The following LYPD6B variants were observed in gnomAD, a reference collection of about 807,000 sequenced individuals.
The protein encoded by LYPD6B is ly6/PLAUR domain-containing protein 6B.
LYPD6B carries 17 observed loss-of-function variants against 22.8 expected under a neutral mutation model. The ratio of observed to expected loss-of-function variants is 0.75; its 90% confidence interval spans 0.51 to 1.12. The LOEUF (loss-of-function observed/expected upper bound fraction) is 1.12, where lower values mean the gene tolerates loss of function less well. LYPD6B is among the 50% of genes most tolerant of loss of function. LYPD6B has a pLI of 0.00. For synonymous variants in LYPD6B, 106 were observed against 91.6 expected, an observed-to-expected ratio of 1.16 and a Z score of -0.90; for missense variants, 221 against 258.3, an observed-to-expected ratio of 0.86 and a Z score of 0.99.
intron 2 of LYPD6B, among the ~76,000 whole-genome samples, chr2:149,159,589 C>CGT (rs60129822): frequency 0.08 from 11,722 of 145,770 alleles, 508 homozygotes; most frequent in Non-Finnish European, 0.098. Flanking sequence ...CATATGTGTG[C>CGT]GTGTGTGTGT....
intron 3 of LYPD6B, among the ~76,000 whole-genome samples, chr2:149,186,081 G>T (rs180809061): frequency 6.6e-6 from 1 of 152,300 alleles, no homozygotes; most frequent in Admixed American, 6.5e-5. Flanking sequence ...CAAGTGAAAG[G>T]AGGAGTCACA....
At chr2:149,157,022 T>C (rs1689748137) in intron 2 of LYPD6B, among the ~76,000 whole-genome samples, 2 of 152,134 alleles carry the variant, frequency 1.3e-5, no homozygotes, top group African/African-American at 4.8e-5. Context: ...AAAGTTTAGC[T>C]CTCAAATTTT....
chr2:149,045,209 G>T (rs1257792534), intron 1 of LYPD6B, among the ~76,000 whole-genome samples: 1 of 152,032 alleles, frequency 6.6e-6, no homozygotes, highest in Non-Finnish European at 1.5e-5. Flanking sequence ...CATTGATACA[G>T]AATTTTTTGT....
chr2:149,185,602 A>G (rs1482786203), intron 3 of LYPD6B, among the ~76,000 whole-genome samples: 1 of 152,206 alleles, frequency 6.6e-6, no homozygotes, highest in East Asian at 1.9e-4. Context: ...GACATGAATG[A>G]CCACACGTAA....
At chr2:149,091,638 G>A (rs1374605965) in intron 1 of LYPD6B, among the ~76,000 whole-genome samples, 1 of 150,404 alleles carries the variant, frequency 6.6e-6, no homozygotes, top group Non-Finnish European at 1.5e-5. Context: ...TTTTTTTTAA[G>A]TAGGTACAAA....
At chr2:149,164,874 G>A (rs1559044865) in intron 3 of LYPD6B, among the ~76,000 whole-genome samples, 2 of 152,180 alleles carry the variant, frequency 1.3e-5, no homozygotes, top group East Asian at 3.9e-4. Context: ...TTGTATCAGT[G>A]AGGGCTCTGC....
intron 1 of LYPD6B, among the ~76,000 whole-genome samples, chr2:149,072,294 A>G (rs1684643180): frequency 6.6e-6 from 1 of 152,080 alleles, no homozygotes; most frequent in South Asian, 2.1e-4. Context: ...AATAAATGCT[A>G]TGAAGGATAA....
At chr2:149,158,103 T>C (rs1423347281) in intron 2 of LYPD6B, among the ~76,000 whole-genome samples, 1 of 152,188 alleles carries the variant, frequency 6.6e-6, no homozygotes, top group African/African-American at 2.4e-5. Flanking sequence ...TAACAGACTT[T>C]TGTTTTCTTG....
chr2:149,095,736 T>G (rs763956809), intron 1 of LYPD6B, among the ~76,000 whole-genome samples: 3 of 145,380 alleles, frequency 2.1e-5, no homozygotes, highest in Non-Finnish European at 3.0e-5. Flanking sequence ...CCAGGGAGGG[T>G]GTTGGAAGGA....
chr2:149,210,757 C>A (rs180929642), intron 5 of LYPD6B, among the ~76,000 whole-genome samples: 56 of 152,334 alleles, frequency 3.7e-4, no homozygotes, highest in Non-Finnish European at 6.6e-4. Context: ...ATGCAGCCAC[C>A]AGTTTTCGAT....
intron 1 of LYPD6B, among the ~76,000 whole-genome samples, chr2:149,065,908 C>T (rs908169402): frequency 2.6e-5 from 4 of 152,008 alleles, no homozygotes; most frequent in Admixed American, 6.5e-5. Flanking sequence ...GACTAGTTTT[C>T]GCCTTGTTAC....
At chr2:149,054,426 C>T (rs542825999) in intron 1 of LYPD6B, among the ~76,000 whole-genome samples, 3 of 152,074 alleles carry the variant, frequency 2.0e-5, no homozygotes, top group Admixed American at 2.0e-4. Context: ...AATACTTTGC[C>T]ATTTTAAGAT....
rs180960374 is a variant in LYPD6B at position 149,160,778 on chromosome 2, G to C, written c.20G>C (p.Ser7Thr). Residue 7 changes from serine (S) to threonine (T), a missense_variant, in exon 3 of 7, where the codon AGT (serine) becomes ACT (threonine). Transcript: ENST00000409642. Reference sequence around the variant, plus strand: ...ATCTCTGGTAGGCTGATTACTCTGAGTGCAAACCTTTTCACTGTTCCAGAG... The same window carrying C: ...ATCTCTGGTAGGCTGATTACTCTGACTGCAAACCTTTTCACTGTTCCAGAG... MLLITL[S>T]ANLFTVPERS... 45 of 1,555,656 alleles carry C rather than the reference G, an allele frequency of 2.9e-5. No homozygotes were observed. The East Asian group carries it at 1.0e-3, about 35-fold the overall frequency.
At chr2:149,159,056 G>GT (rs1221391676) in intron 2 of LYPD6B, among the ~76,000 whole-genome samples, 12 of 151,544 alleles carry the variant, frequency 7.9e-5, no homozygotes, top group South Asian at 2.1e-4. Flanking sequence ...AGATTTTTAT[G>GT]TTTTTTTTTC....
At chr2:149,159,589 C>CGGGTGT in intron 2 of LYPD6B, among the ~76,000 whole-genome samples, 1 of 145,906 alleles carries the variant, frequency 6.9e-6, no homozygotes, top group African/African-American at 2.5e-5. Context: ...CATATGTGTG[C>CGGGTGT]GTGTGTGTGT....
At chr2:149,062,390 A>C (rs1684129805) in intron 1 of LYPD6B, among the ~76,000 whole-genome samples, 1 of 152,228 alleles carries the variant, frequency 6.6e-6, no homozygotes, top group Admixed American at 6.5e-5. Context: ...ATTGATGATG[A>C]TCACGATGAT....
At chr2:149,099,471 C>CCCCTCGTACCTAGGATCCTTGGTT (rs1686086644) in intron 1 of LYPD6B, among the ~76,000 whole-genome samples, 1 of 152,010 alleles carries the variant, frequency 6.6e-6, no homozygotes, top group African/African-American at 2.4e-5. Context: ...GATCCTTGGT[C>CCCCTCGTACCTAGGATCCTTGGTT]CCCTCATGGT....
chr2:149,162,280 T>C (rs747645234), intron 3 of LYPD6B, among the ~76,000 whole-genome samples: 7 of 152,236 alleles, frequency 4.6e-5, no homozygotes, highest in Non-Finnish European at 7.3e-5. Context: ...GCATTTTGCA[T>C]GCATTCTCTC....
intron 2 of LYPD6B, among the ~76,000 whole-genome samples, chr2:149,150,197 C>T (rs1575068638): frequency 1.3e-5 from 2 of 152,240 alleles, no homozygotes; most frequent in Non-Finnish European, 2.9e-5. Context: ...AATCTTCTTG[C>T]GTTAATGTGG....
Sources: allele counts gnomAD v4.1 joint callset (sites outside exome capture counted in the v4.1 genomes callset), GRCh38; gene constraint gnomAD v4.1.1; transcripts MANE v1.5; gene names NCBI Gene and HGNC (gene_info 2026-07-23, HGNC 2026-07-21).